The following CAMKMT variants were observed in gnomAD, a reference collection of about 807,000 sequenced individuals.
CAMKMT encodes the protein CaM KMT.
Under a neutral mutation model 48.0 loss-of-function variants are expected in CAMKMT, and 53 were observed. The ratio of observed to expected loss-of-function variants is 1.10; its 90% CI spans 0.89 to 1.39. CAMKMT has a LOEUF of 1.39. Ranked by LOEUF, CAMKMT falls within the 40% of genes most tolerant of loss-of-function variation. CAMKMT has a pLI of 0.00. For missense variants in CAMKMT, 428 were observed against 402.7 expected, an observed-to-expected ratio of 1.06 and a Z score of -0.54; for synonymous variants, 165 against 152.3, an observed-to-expected ratio of 1.08 and a Z score of -0.61.
chr2:44,425,855 C>T (rs540002593), intron 3 of CAMKMT, among the ~76,000 whole-genome samples: 2 of 152,182 alleles, frequency 1.3e-5, no homozygotes, highest in South Asian at 4.2e-4. Context: ...CTCAGCCTCC[C>T]AAGTAGCTGG....
At chr2:44,401,311 A>C (rs1224362203) in intron 3 of CAMKMT, among the ~76,000 whole-genome samples, 3 of 152,120 alleles carry the variant, frequency 2.0e-5, no homozygotes, top group Middle Eastern at 3.2e-3. Context: ...TAATCTCAGC[A>C]CTTTGGGAGG....
chr2:44,371,080 G>A (rs1217696073), intron 1 of CAMKMT, among the ~76,000 whole-genome samples: 3 of 152,178 alleles, frequency 2.0e-5, no homozygotes, highest in Non-Finnish European at 4.4e-5. Flanking sequence ...TGCCTCCTGG[G>A]TTCAAGCGAT....
chr2:44,671,313 T>C (rs982496674), intron 3 of CAMKMT, among the ~76,000 whole-genome samples: 1 of 152,190 alleles, frequency 6.6e-6, no homozygotes, highest in African/African-American at 2.4e-5. Flanking sequence ...CTATTTGTGA[T>C]ACCCATGTAT....
chr2:44,456,930 C>G (rs576369179), intron 3 of CAMKMT: 2 of 233,834 alleles, frequency 8.6e-6, no homozygotes, highest in South Asian at 9.5e-5. Context: ...ATTTAAAATA[C>G]TTAGTGAAGT....
At chr2:44,733,982 G>T (rs1170985132) in intron 7 of CAMKMT, among the ~76,000 whole-genome samples, 1 of 151,802 alleles carries the variant, frequency 6.6e-6, no homozygotes, top group East Asian at 1.9e-4. Flanking sequence ...CAGGCTAGAG[G>T]TTTATCAATT....
At chr2:44,750,572 C>T (rs1009129270) in intron 8 of CAMKMT, among the ~76,000 whole-genome samples, 1 of 152,184 alleles carries the variant, frequency 6.6e-6, no homozygotes, top group African/African-American at 2.4e-5. Flanking sequence ...GGCTCTAAAG[C>T]TGAAGATGTA....
intron 3 of CAMKMT, among the ~76,000 whole-genome samples, chr2:44,446,179 C>T (rs192126466): frequency 6.6e-6 from 1 of 151,890 alleles, no homozygotes; most frequent in Admixed American, 6.6e-5. Flanking sequence ...AATTCTTGAC[C>T]TCAGGTGATC....
chr2:44,537,229 C>G (rs1666824472), intron 3 of CAMKMT, among the ~76,000 whole-genome samples: 1 of 152,168 alleles, frequency 6.6e-6, no homozygotes, highest in Non-Finnish European at 1.5e-5. Flanking sequence ...AAGGCATAAC[C>G]TTCTGAATAG....
intron 3 of CAMKMT, among the ~76,000 whole-genome samples, chr2:44,474,701 T>C (rs895874238): frequency 6.6e-6 from 1 of 152,300 alleles, no homozygotes; most frequent in Admixed American, 6.5e-5. Flanking sequence ...TTAAATGTTA[T>C]TCCTGACCTT....
chr2:44,466,560 TA>T (rs1349230425), intron 3 of CAMKMT, among the ~76,000 whole-genome samples: 1 of 151,858 alleles, frequency 6.6e-6, no homozygotes, highest in Non-Finnish European at 1.5e-5. Flanking sequence ...GTAGACACAT[TA>T]AAAAAGAAGG....
intron 3 of CAMKMT, among the ~76,000 whole-genome samples, chr2:44,597,880 G>A (rs1452993720): frequency 2.0e-5 from 3 of 152,020 alleles, no homozygotes; most frequent in Non-Finnish European, 4.4e-5. Context: ...GGGATTACAG[G>A]CATGCACCAC....
chr2:44,733,713 T>C (rs919256727), intron 7 of CAMKMT, among the ~76,000 whole-genome samples: 4 of 152,162 alleles, frequency 2.6e-5, no homozygotes, highest in African/African-American at 9.6e-5. Flanking sequence ...TTTTTCTTTT[T>C]TGGCTTGCTA....
intron 3 of CAMKMT, chr2:44,631,831 C>G (rs950005328): frequency 1.5e-5 from 4 of 263,108 alleles, no homozygotes; most frequent in South Asian, 1.6e-4. Flanking sequence ...TCAGTTTTCT[C>G]TACTCTTGGT....
At chr2:44,565,218 A>G (rs964015661) in intron 3 of CAMKMT, among the ~76,000 whole-genome samples, 4 of 152,326 alleles carry the variant, frequency 2.6e-5, no homozygotes, top group South Asian at 2.1e-4. Context: ...AAACATTTTT[A>G]TCCATATACA....
intron 3 of CAMKMT, among the ~76,000 whole-genome samples, chr2:44,701,804 T>C (rs979873187): frequency 2.0e-5 from 3 of 152,176 alleles, no homozygotes; most frequent in African/African-American, 7.2e-5. Context: ...TTTTATTTTC[T>C]AGTAAAGCTA....
At chr2:44,769,776 T>C (rs1433977733) in intron 10 of CAMKMT, among the ~76,000 whole-genome samples, 1 of 152,122 alleles carries the variant, frequency 6.6e-6, no homozygotes, top group Non-Finnish European at 1.5e-5. Context: ...AACACGGCCA[T>C]ATTGCACTTC....
intron 3 of CAMKMT, among the ~76,000 whole-genome samples, chr2:44,644,417 C>G (rs1673622696): frequency 6.6e-6 from 1 of 152,286 alleles, no homozygotes; most frequent in East Asian, 1.9e-4. Flanking sequence ...CTTGTGTGTT[C>G]TCTAAAAAAT....
chr2:44,590,021 A>T (rs891559686), intron 3 of CAMKMT, among the ~76,000 whole-genome samples: 1 of 149,724 alleles, frequency 6.7e-6, no homozygotes, highest in South Asian at 2.1e-4. Context: ...CATACTTGTT[A>T]GTTCTAGTCA....
At chr2:44,708,927 T>C (rs1007095039) in intron 6 of CAMKMT, among the ~76,000 whole-genome samples, 3 of 152,056 alleles carry the variant, frequency 2.0e-5, no homozygotes, top group Admixed American at 6.6e-5. Flanking sequence ...GGTGTCTTAT[T>C]TAATAGCGTC....
Sources: gnomAD v4.1 joint callset for allele counts (sites outside exome capture counted in the v4.1 genomes callset) on GRCh38, gnomAD v4.1.1 for gene constraint, MANE v1.5 for transcripts, NCBI Gene and HGNC (gene_info 2026-07-23, HGNC 2026-07-21) for gene names.